Variants in CLIP2 observed in about 807,000 individuals in gnomAD.
The protein encoded by CLIP2 is CAP-Gly domain-containing linker protein 2.
CLIP2 carries 41 observed loss-of-function variants against 111.7 expected under a neutral mutation model. That is an observed-to-expected ratio of 0.37 (90% CI 0.29 to 0.48). The LOEUF is 0.48. Ranked by LOEUF, CLIP2 falls within the 20% of genes least tolerant of loss-of-function variation. The probability of loss-of-function intolerance (pLI) is 0.99; values close to 1 mark genes in which losing one functional copy is unlikely to be tolerated. For synonymous variants in CLIP2, 660 were observed against 644.2 expected, an observed-to-expected ratio of 1.02 and a Z score of -0.37; for missense variants, 1,160 against 1,422.1, an observed-to-expected ratio of 0.82 and a Z score of 2.96.
intron 14 of CLIP2, among the ~76,000 whole-genome samples, chr7:74,398,696 C>A (rs1791531328): frequency 6.6e-6 from 1 of 152,224 alleles, no homozygotes; most frequent in African/African-American, 2.4e-5. Flanking sequence ...TCACTCTGGC[C>A]ACACACCCAG....
intron 8 of CLIP2, among the ~76,000 whole-genome samples, chr7:74,370,142 C>T (rs1554311586): frequency 1.9e-5 from 1 of 52,608 alleles, no homozygotes; most frequent in Non-Finnish European, 4.4e-5. Context: ...AGTAACAGAG[C>T]GAGACTCTGC....
intron 10 of CLIP2, among the ~76,000 whole-genome samples, chr7:74,379,848 G>A (rs1193465145): frequency 2.6e-5 from 4 of 152,156 alleles, no homozygotes; most frequent in Admixed American, 6.6e-5. Context: ...TCGGGAGGCC[G>A]AGGCAGGAGA....
chr7:74,339,143 C>T (rs1789578706), intron 3 of CLIP2, 139 bp downstream of exon 3: 2 of 717,706 alleles, frequency 2.8e-6, no homozygotes, highest in Non-Finnish European at 4.5e-6. Context: ...GCCTGGGACA[C>T]CCATTCCTTA....
intron 8 of CLIP2, among the ~76,000 whole-genome samples, chr7:74,370,253 G>C (rs550655673): frequency 8.6e-5 from 13 of 150,634 alleles, no homozygotes; most frequent in South Asian, 2.1e-4. Context: ...TCAGGGGATC[G>C]AAACCATCCT....
At chr7:74,329,035 C>A (rs1300113028) in intron 2 of CLIP2, among the ~76,000 whole-genome samples, 1 of 150,972 alleles carries the variant, frequency 6.6e-6, no homozygotes, top group Non-Finnish European at 1.5e-5. Context: ...GCCTCAGCCT[C>A]CCAAGTAACC....
At chr7:74,385,933 G>C (rs1362860969) in intron 11 of CLIP2, among the ~76,000 whole-genome samples, 1 of 151,428 alleles carries the variant, frequency 6.6e-6, no homozygotes, top group African/African-American at 2.4e-5. Context: ...GTAGAGATGG[G>C]GTTTCTCCAT....
intron 11 of CLIP2, among the ~76,000 whole-genome samples, chr7:74,382,712 A>G (rs1790980840): frequency 6.6e-6 from 1 of 151,878 alleles, no homozygotes; most frequent in African/African-American, 2.4e-5. Flanking sequence ...GACATTGCAG[A>G]CATTTTCCCC....
chr7:74,290,796 C>G (rs1461040529), intron 1 of CLIP2, among the ~76,000 whole-genome samples: 1 of 151,810 alleles, frequency 6.6e-6, no homozygotes, highest in East Asian at 1.9e-4. Flanking sequence ...ACAATAAGCC[C>G]TTCATTCAGC....
At chr7:74,356,371 G>C (rs1790143458) in intron 4 of CLIP2, 39 bp from the exon 5 acceptor site, 2 of 1,574,070 alleles carry the variant, frequency 1.3e-6, no homozygotes, top group African/African-American at 1.3e-5. Flanking sequence ...CCAGGCTTTG[G>C]GGCCGTGACA....
chr7:74,327,649 T>C (rs1789153348), intron 2 of CLIP2, among the ~76,000 whole-genome samples: 1 of 152,164 alleles, frequency 6.6e-6, no homozygotes, highest in South Asian at 2.1e-4. Context: ...ACTTCTCGGC[T>C]CTCCACTGAC....
intron 1 of CLIP2, among the ~76,000 whole-genome samples, chr7:74,307,164 GC>G (rs1788513975): frequency 6.6e-6 from 1 of 152,190 alleles, no homozygotes; most frequent in South Asian, 2.1e-4. Context: ...AGCAAGGGTG[GC>G]CGGGCCTGAC....
At chr7:74,394,111 G>C (rs1791372719) in intron 13 of CLIP2, among the ~76,000 whole-genome samples, 1 of 152,106 alleles carries the variant, frequency 6.6e-6, no homozygotes, top group Admixed American at 6.6e-5. Context: ...GTCATCTGAA[G>C]CCACATTTCC....
intron 2 of CLIP2, among the ~76,000 whole-genome samples, chr7:74,334,577 G>C (rs1256153877): frequency 1.3e-5 from 2 of 152,120 alleles, no homozygotes; most frequent in Non-Finnish European, 2.9e-5. Context: ...CAGTGGTTCT[G>C]TTCAGTTAGC....
At chr7:74,388,342 C>CA (rs1354526690) in intron 12 of CLIP2, among the ~76,000 whole-genome samples, 2 of 151,466 alleles carry the variant, frequency 1.3e-5, no homozygotes, top group African/African-American at 4.9e-5. Flanking sequence ...CACACACACA[C>CA]AAAAACAATT....
At chr7:74,329,939 T>C (rs1029117275) in intron 2 of CLIP2, among the ~76,000 whole-genome samples, 2 of 151,002 alleles carry the variant, frequency 1.3e-5, no homozygotes, top group Non-Finnish European at 3.0e-5. Flanking sequence ...GCCACCACAC[T>C]GACTAATTTT....
intron 3 of CLIP2, among the ~76,000 whole-genome samples, chr7:74,348,918 G>A (rs545577445): frequency 3.3e-5 from 5 of 151,898 alleles, no homozygotes; most frequent in African/African-American, 4.8e-5. Flanking sequence ...AGGCCAAGGC[G>A]GGCAGATCAC....
rs150615839 is a variant in CLIP2, at chr7:74,389,210, G to T, written c.2671G>T (p.Ala891Ser). ...LETVSRKTHDASGQLVLISQE... is the reference protein window; with the variant it reads ...LETVSRKTHDSSGQLVLISQE... ...GACCGTGTCCCGGAAGACCCATGAC[G>T]CCTCGGGCCAGCTAGTCCTCATCAG... is the stretch of plus-strand genomic sequence containing the variant. The change falls in exon 13 of 17, where the codon GCC becomes TCC. Residue 891 changes from alanine (A) to serine (S), a missense_variant. This residue lies in a region of CLIP2 where 676 missense variants were observed against 777.8 expected (regional missense o/e 0.87). Transcript: ENST00000223398. 1 of 1,612,470 alleles carries T rather than the reference G, an allele frequency of 6.2e-7. No individual in the cohort carries two copies. The highest frequency in any genetic ancestry group is 1.1e-5 in the South Asian group (1 of 90,912).
chr7:74,297,825 T>C (rs1788217224), intron 1 of CLIP2, among the ~76,000 whole-genome samples: 1 of 151,938 alleles, frequency 6.6e-6, no homozygotes, highest in Non-Finnish European at 1.5e-5. Flanking sequence ...TTTTTCTTTT[T>C]TTTTTGAGAT....
Position 74,376,305 on chromosome 7 carries a change from T to TG in CLIP2, c.1905dup (p.Asn636GlufsTer31). 1 of 1,613,798 alleles carries TG rather than the reference T, an allele frequency of 6.2e-7. No individual in the cohort carries two copies. The highest frequency in any genetic ancestry group is 8.5e-7 in the Non-Finnish European group (1 of 1,179,982). ...TCCCTGGAGGACCTCAAAGCCACCC[T>TG]GAACTCGGGCCCAGGCGCCCAGCAG... On this transcript the variant is annotated frameshift_variant, in exon 10 of 17. Transcript: ENST00000223398. LOFTEE classifies it high-confidence loss of function. The surrounding 1 kb of genome is among the most constrained non-coding windows in gnomAD (Gnocchi z 7.1).
Sources: gnomAD v4.1 joint callset for allele counts (sites outside exome capture counted in the v4.1 genomes callset) on GRCh38, gnomAD v4.1.1 for gene constraint, gnomAD v4.1.1 regional missense constraint, Gnocchi (gnomAD v3.1) non-coding constraint, MANE v1.5 for transcripts, NCBI Gene and HGNC (gene_info 2026-07-23, HGNC 2026-07-21) for gene names.